KATNB1: variants seen among roughly 807,000 people sequenced by gnomAD.
KATNB1 encodes the protein katanin p80 WD40 repeat-containing subunit B1.
A neutral mutation model predicts 82.3 loss-of-function variants in KATNB1; 38 were observed. The observed-to-expected ratio is 0.46, with a 90% CI of 0.36 to 0.61. The LOEUF is 0.61. Among genes scored for constraint, KATNB1 ranks in the 20% least tolerant of loss-of-function variants. The pLI, the probability that KATNB1 is intolerant of heterozygous loss-of-function variation, is 0.00. For missense variants in KATNB1, 749 were observed against 915.7 expected, an observed-to-expected ratio of 0.82 and a Z score of 2.35; for synonymous variants, 361 against 368.7, an observed-to-expected ratio of 0.98 and a Z score of 0.24.
At chr16:57,756,156 C>A in intron 18 of KATNB1, 90 bp downstream of exon 18, 1 of 1,412,174 alleles carries the variant, frequency 7.1e-7, no homozygotes, top group South Asian at 1.2e-5. Context: ...CCCCCAAGAG[C>A]CTGGGTGTTC....
chr16:57,753,691 A>G (rs1224038513), intron 12 of KATNB1, among the ~76,000 whole-genome samples, 172 bp downstream of exon 12: 3 of 151,836 alleles, frequency 2.0e-5, no homozygotes, highest in African/African-American at 4.8e-5. Flanking sequence ...CTGTGCTCTG[A>G]TGGAACTGAG....
At chr16:57,756,197 CT>C in intron 18 of KATNB1, 131 bp downstream of exon 18, 1 of 1,197,240 alleles carries the variant, frequency 8.4e-7, no homozygotes, top group South Asian at 1.3e-5. Flanking sequence ...ATTGCTGCCC[CT>C]CAACAGTCCG....
Position 57,754,958 on chromosome 16 carries a change from G to C in KATNB1, c.1257G>C (p.Lys419Asn). ...DDAATAKEAA[K>N]PSPAMDVQFP... ...CAGCCACAGCAAAGGAGGCAGCAAAGCCCAGCCCTGCCATGGATGTGCAGT... is the reference window on the plus strand; with the variant it reads ...CAGCCACAGCAAAGGAGGCAGCAAACCCCAGCCCTGCCATGGATGTGCAGT... Residue 419 changes from lysine (K) to asparagine (N), a missense_variant, in exon 14 of 20, where the codon AAG (lysine) becomes AAC (asparagine). Lys to Asn is a moderately conservative substitution (Grantham distance 94). Transcript: ENST00000379661. 1 of 1,614,078 alleles carries C rather than the reference G, an allele frequency of 6.2e-7. No homozygotes were observed. The highest frequency in any genetic ancestry group is 2.2e-5 in the East Asian group (1 of 44,880).
chr16:57,752,344 A>C (rs1555583571), intron 8 of KATNB1, 186 bp from the exon 9 acceptor site: 9 of 657,814 alleles, frequency 1.4e-5, no homozygotes, highest in Middle Eastern at 6.2e-4. Flanking sequence ...GTTGGGGCCA[A>C]CCCTGGGGCC....
chr16:57,744,367 A>T (rs372097149), intron 3 of KATNB1, 27 bp from the exon 4 acceptor site: 4 of 1,579,296 alleles, frequency 2.5e-6, no homozygotes, highest in Non-Finnish European at 2.6e-6. Context: ...CCAGCAGTGC[A>T]CGGAAGCTGC....
Position 57,755,122 on chromosome 16 carries a change from G to T in KATNB1, c.1300G>T (p.Glu434Ter), listed in dbSNP as rs1555585233. ...MDVQFPVPNL[E>*]VLPRPPVVAS... is the part of the protein sequence containing the mutation. ...CCGCTGAGTTTCACACTTTCAGCTG[G>T]AGGTCCTGCCCCGGCCCCCAGTGGT... The change falls in exon 15 of 20, where the codon GAG becomes TAG. Residue 434 changes from glutamate (E) to a stop codon, truncating the protein, a stop_gained. Transcript: ENST00000379661. LOFTEE classifies it high-confidence loss of function. 1 of 1,612,886 alleles carries T rather than the reference G, an allele frequency of 6.2e-7. No homozygotes were observed. The highest frequency in any genetic ancestry group is 1.7e-5 in the Admixed American group (1 of 60,020).
Position 57,751,251 on chromosome 16 carries a change from T to C in KATNB1, c.391-10T>C. 1 of 1,613,438 alleles carries C rather than the reference T, an allele frequency of 6.2e-7. No individual in the cohort carries two copies. The highest frequency in any genetic ancestry group is 1.1e-5 in the South Asian group (1 of 91,058). ...CTGACTCTGCCCCTCTGCTTCTCTC[T>C]CCCCCACAGCTCTGGGACATCAGGA... On this transcript the variant is annotated splice_polypyrimidine_tract_variant and intron_variant, in intron 5 of 19. Transcript: ENST00000379661. This position sits in a 1 kb window ranked among gnomAD's most constrained non-coding sequence, Gnocchi z 6.3.
rs568377961 is a variant in KATNB1 at position 57,752,081 on chromosome 16, G to A, written c.632+26G>A. 6.3e-6 allele frequency: 9 copies of A among 1,423,768 alleles called. No individual in the cohort carries two copies. The East Asian group carries it at 1.8e-4, about 29-fold the overall frequency. 88.2% of individuals were successfully genotyped at this position (1,423,768 alleles called of 1,614,324 possible). The stretch of plus-strand genomic sequence containing the variant: ...GTGAGGAGGAGGAGCGAGGCGAGTT[G>A]CTTGTGACTGCTGTCCTTCACCGCC... On this transcript the variant is annotated intron_variant, in intron 8 of 19. Transcript: ENST00000379661.
chr16:57,752,477 T>G, intron 8 of KATNB1, 53 bp from the exon 9 acceptor site: 1 of 1,486,966 alleles, frequency 6.7e-7, no homozygotes, highest in African/African-American at 1.4e-5. Context: ...CAGGGACATG[T>G]GGAGGCCAGG....
chr16:57,741,300 AAG>A (rs782512144), intron 2 of KATNB1, among the ~76,000 whole-genome samples: 6 of 152,240 alleles, frequency 3.9e-5, no homozygotes, highest in Non-Finnish European at 5.9e-5. Context: ...GTATCATAGA[AAG>A]AGTATCATGA....
intron 16 of KATNB1, 32 bp downstream of exon 16, chr16:57,755,526 T>G: frequency 6.3e-7 from 1 of 1,598,148 alleles, no homozygotes; most frequent in South Asian, 1.1e-5. Flanking sequence ...GGGCCTCATC[T>G]CGCCCCCCTG....
chr16:57,753,073 G>A lies in KATNB1; in HGVS notation c.856-4G>A. 1 of 1,598,548 alleles carries A rather than the reference G, an allele frequency of 6.3e-7. No individual in the cohort carries two copies. The highest frequency in any genetic ancestry group is 1.3e-5 in the African/African-American group (1 of 74,828). ...TCCCAGCCCCACCTCTCCGCTTTCT[G>A]CAGATAGGTGTGGCCTTCTCCCAGA... On this transcript the variant is annotated splice_region_variant and splice_polypyrimidine_tract_variant and intron_variant, in intron 10 of 19. Transcript: ENST00000379661.
At chr16:57,740,694 T>C (rs1211097318) in intron 2 of KATNB1, among the ~76,000 whole-genome samples, 1 of 152,216 alleles carries the variant, frequency 6.6e-6, no homozygotes, top group Non-Finnish European at 1.5e-5. Context: ...CTTTGCTCCC[T>C]GCGGAGTCCT....
intron 1 of KATNB1, 133 bp downstream of exon 1, chr16:57,735,988 G>A (rs976611779): frequency 6.6e-6 from 1 of 152,272 alleles, no homozygotes; most frequent in African/African-American, 2.4e-5. Flanking sequence ...TCCGCAAGCA[G>A]AGGGTTGGGA....
At position 57,753,219 on chromosome 16, in the gene KATNB1, T is replaced by C. The variant is rs782323070; in HGVS notation, c.998T>C (p.Leu333Pro). The change falls in exon 11 of 20, where the codon CTC becomes CCC. Residue 333 changes from leucine (L) to proline (P), a missense_variant. Physicochemically the swap from Leu to Pro is moderately conservative, Grantham distance 98 (BLOSUM62 -3). This residue lies in a region of KATNB1 where 407 missense variants were observed against 434.7 expected (regional missense o/e 0.94). Coordinates refer to ENST00000379661, the MANE Select transcript of KATNB1 (RefSeq NM_005886.3). ...CCACTGCCCAACCCCAGCGCCCCCC[T>C]CCGGCGCATCTATGAGCGGCCCAGC... ...AQPLPNPSAP[L>P]RRIYERPSTT... is the part of the protein sequence containing the mutation. 20 of 1,606,686 alleles carry C rather than the reference T, an allele frequency of 1.2e-5. No homozygotes were observed. Among genetic ancestry groups the C allele is most frequent in the Non-Finnish European group, 1.7e-5 (20 of 1,178,160 alleles).
intron 16 of KATNB1, 46 bp from the exon 17 acceptor site, chr16:57,755,795 C>T (rs782725778): frequency 2.6e-6 from 4 of 1,540,628 alleles, no homozygotes; most frequent in Non-Finnish European, 3.5e-6. Context: ...CACAGGGCCA[C>T]ACTGTCCCCC....
chr16:57,747,940 G>A (rs1426802721), intron 4 of KATNB1, among the ~76,000 whole-genome samples: 1 of 152,208 alleles, frequency 6.6e-6, no homozygotes, highest in African/African-American at 2.4e-5. Flanking sequence ...AGGGCTGGCT[G>A]CTCCACAAGG....
Position 57,754,040 on chromosome 16 carries a change from C to A in KATNB1, c.1228+45C>A, listed in dbSNP as rs111709432. 12 of 1,492,224 alleles carry A rather than the reference C, an allele frequency of 8.0e-6. No individual in the cohort carries two copies. The Admixed American group carries it at 8.7e-5, about 11-fold the overall frequency. The allele number at this position is 1,492,224 out of a possible 1,614,324, so 92.4% of individuals were successfully genotyped here. On this transcript the variant is annotated intron_variant, in intron 13 of 19. Coordinates refer to ENST00000379661, the MANE Select transcript of KATNB1 (RefSeq NM_005886.3). ...TTTCCCAAGGTCTCTGATGCCCCCCCGTCCCTCATCTTCTCTTCCTGTGAA... is the reference window on the plus strand; with the variant it reads ...TTTCCCAAGGTCTCTGATGCCCCCCAGTCCCTCATCTTCTCTTCCTGTGAA...
chr16:57,753,040 G>T (rs1555584006), intron 10 of KATNB1, 37 bp from the exon 11 acceptor site: 1 of 1,589,106 alleles, frequency 6.3e-7, no homozygotes, highest in Admixed American at 1.7e-5. Flanking sequence ...TGCCCCCTCG[G>T]CTTGCAGTCC....
Sources: gnomAD v4.1 joint callset for allele counts (sites outside exome capture counted in the v4.1 genomes callset) on GRCh38, gnomAD v4.1.1 for gene constraint, gnomAD v4.1.1 regional missense constraint, Gnocchi (gnomAD v3.1) non-coding constraint, MANE v1.5 for transcripts, NCBI Gene and HGNC (gene_info 2026-07-23, HGNC 2026-07-21) for gene names.